The following GLIS3 variants were observed in gnomAD, a reference collection of about 807,000 sequenced individuals.
GLIS3 encodes the protein zinc finger protein GLIS3.
A neutral mutation model predicts 78.6 loss-of-function variants in GLIS3; 53 were observed. That is an observed-to-expected ratio of 0.67 (90% CI 0.54 to 0.85). The LOEUF is 0.85. Among genes scored for constraint, GLIS3 ranks in the 40% least tolerant of loss-of-function variants. The pLI, the probability that GLIS3 is intolerant of heterozygous loss-of-function variation, is 0.00. For missense variants in GLIS3, 1,703 were observed against 1,231.1 expected, an observed-to-expected ratio of 1.38 and a Z score of -5.74; for synonymous variants, 684 against 509.9, an observed-to-expected ratio of 1.34 and a Z score of -4.60.
the GLIS3 span, among the ~76,000 whole-genome samples, chr9:4,450,995 A>G: frequency 6.6e-6 from 1 of 152,254 alleles, no homozygotes; most frequent in Non-Finnish European, 1.5e-5. Context: ...ATTCACAATA[A>G]CAATACTAAC....
chr9:4,162,182 C>T (rs1259030970), intron 2 of GLIS3, among the ~76,000 whole-genome samples: 1 of 152,170 alleles, frequency 6.6e-6, no homozygotes, highest in Non-Finnish European at 1.5e-5. Context: ...CTTCTGTGTT[C>T]ACCCTGCATT....
At chr9:4,300,441 T>C (rs368948142), upstream of GLIS3, among the ~76,000 whole-genome samples, 154 of 152,146 alleles carry the variant, frequency 1.0e-3, no homozygotes, top group African/African-American at 3.4e-3. Flanking sequence ...ACGGAGAGAA[T>C]AACACAGTGA....
intron 2 of GLIS3, among the ~76,000 whole-genome samples, chr9:4,211,611 G>C (rs1361384074): frequency 6.6e-6 from 1 of 152,246 alleles, no homozygotes; most frequent in African/African-American, 2.4e-5. Flanking sequence ...TTGCAAAACA[G>C]TTTGGTAGTT....
intron 4 of GLIS3, among the ~76,000 whole-genome samples, chr9:4,050,219 T>C (rs1002194032): frequency 2.4e-4 from 36 of 152,126 alleles, no homozygotes; most frequent in African/African-American, 7.0e-4. Flanking sequence ...AATGATAGAC[T>C]GGATTAAGAA....
exon 1 of GLIS3, chr9:4,348,345 G>C (rs1817922370): frequency 1.2e-5 from 1 of 80,764 alleles, no homozygotes; most frequent in South Asian, 4.5e-4. Flanking sequence ...AGCTTTCTGA[G>C]GTTATCTCAC....
In GLIS3 at chr9:4,215,166, C is replaced by T. The variant is rs114907837; in HGVS notation, c.388+70872G>A. ...CTCTAAGACCACTTCCAACCTCCTC[C>T]TTGAAGAAGTGGATTAATACACAGG... On this transcript the variant is annotated intron_variant, in intron 2 of 10. Transcript: ENST00000381971. Among the ~76,000 whole-genome samples the T allele has an allele frequency of 3.1e-3, 476 of 152,258 alleles. 2 individuals carry two copies. The highest frequency in any genetic ancestry group is 0.011 in the African/African-American group (445 of 41,548).
chr9:3,969,266 A>C (rs1350585690), intron 4 of GLIS3, among the ~76,000 whole-genome samples: 1 of 152,250 alleles, frequency 6.6e-6, no homozygotes, highest in Non-Finnish European at 1.5e-5. Flanking sequence ...TCTCCTTTTC[A>C]GTCTATTATT....
chr9:4,258,932 T>A (rs13286554), intron 2 of GLIS3, among the ~76,000 whole-genome samples: 21,662 of 152,192 alleles, frequency 0.14, 1,669 homozygotes, highest in Non-Finnish European at 0.16. Flanking sequence ...ATCGTATTTA[T>A]AAACACAGTT....
chr9:4,300,741 T>A (rs1563923374), upstream of GLIS3, among the ~76,000 whole-genome samples: 5 of 151,950 alleles, frequency 3.3e-5, no homozygotes, highest in Middle Eastern at 3.4e-3. Flanking sequence ...CGCTTCTGCT[T>A]GTGTTGACCA....
intron 2 of GLIS3, among the ~76,000 whole-genome samples, chr9:4,284,073 G>C (rs937700600): frequency 1.3e-5 from 2 of 152,156 alleles, no homozygotes; most frequent in African/African-American, 2.4e-5. Context: ...AGAAAACATG[G>C]CTTTAATTAC....
At chr9:4,062,665 C>T (rs763547238) in intron 4 of GLIS3, among the ~76,000 whole-genome samples, 4 of 152,304 alleles carry the variant, frequency 2.6e-5, no homozygotes, top group Middle Eastern at 3.4e-3. Context: ...CAGTGGCTCA[C>T]GCCTGTAATC....
chr9:4,074,364 T>C (rs1827878417), intron 4 of GLIS3, among the ~76,000 whole-genome samples: 1 of 152,188 alleles, frequency 6.6e-6, no homozygotes, highest in Admixed American at 6.5e-5. Context: ...TTGTTTTGTA[T>C]GCCCTTTGTG....
intron 4 of GLIS3, among the ~76,000 whole-genome samples, chr9:3,972,765 T>C (rs991280619): frequency 6.6e-6 from 1 of 152,330 alleles, no homozygotes; most frequent in African/African-American, 2.4e-5. Context: ...AGTAAGTTTA[T>C]ATGTTTTAAT....
At chr9:4,472,765 G>T in the GLIS3 span, among the ~76,000 whole-genome samples, 2 of 151,836 alleles carry the variant, frequency 1.3e-5, no homozygotes, top group South Asian at 2.1e-4. Context: ...ATTTAAAAAA[G>T]AACTAAAATT....
chr9:3,863,734 C>T (rs779814478), intron 8 of GLIS3, among the ~76,000 whole-genome samples: 7 of 152,146 alleles, frequency 4.6e-5, no homozygotes, highest in Admixed American at 1.3e-4. Context: ...ACAGAAAGGA[C>T]AGAGTGTTCT....
Position 4,125,870 on chromosome 9 carries a change from T to A in GLIS3, c.460A>T (p.Ser154Cys). Residue 154 changes from serine to cysteine, a missense_variant, in exon 3 of 11, where the codon AGT becomes TGT. Coordinates refer to ENST00000381971, the MANE Select transcript of GLIS3 (RefSeq NM_001042413.2). ...CCCAGTCGCTGAACCATCATGGGACTGCTGGTGACCACTAGATTGTTGCAG... is the reference window on the plus strand; with the variant it reads ...CCCAGTCGCTGAACCATCATGGGACAGCTGGTGACCACTAGATTGTTGCAG... ...GSCNNLVVTSSPMMVQRLGLI... is the reference protein window; with the variant it reads ...GSCNNLVVTSCPMMVQRLGLI... 1 of 1,614,098 alleles carries A rather than the reference T, an allele frequency of 6.2e-7. No homozygotes were observed. Among genetic ancestry groups the A allele is most frequent in the Non-Finnish European group, 8.5e-7 (1 of 1,179,990 alleles).
At chr9:4,203,131 A>G (rs976807235) in intron 2 of GLIS3, among the ~76,000 whole-genome samples, 1 of 152,234 alleles carries the variant, frequency 6.6e-6, no homozygotes, top group African/African-American at 2.4e-5. Flanking sequence ...TGAACAAGCA[A>G]AAAACAATCC....
intron 6 of GLIS3, among the ~76,000 whole-genome samples, chr9:3,929,509 G>A (rs926711072): frequency 1.1e-4 from 16 of 152,082 alleles, no homozygotes. Context: ...TTTATCTATG[G>A]CTATGGGTGC....
intron 2 of GLIS3, among the ~76,000 whole-genome samples, chr9:4,241,968 G>A (rs1447141446): frequency 6.6e-6 from 1 of 152,172 alleles, no homozygotes; most frequent in Non-Finnish European, 1.5e-5. Context: ...ACAGGCATCG[G>A]CCACCGTGCC....
Sources: allele counts gnomAD v4.1 joint callset (sites outside exome capture counted in the v4.1 genomes callset), GRCh38; gene constraint gnomAD v4.1.1; transcripts MANE v1.5; gene names NCBI Gene and HGNC (gene_info 2026-07-23, HGNC 2026-07-21).